Variants in CCDC90B observed in about 807,000 individuals in gnomAD.
The protein encoded by CCDC90B is coiled-coil domain containing 90B, also known as coiled-coil domain-containing protein 90B, mitochondrial.
In CCDC90B, 24 loss-of-function variants were observed where a neutral mutation model predicts 37.0. The observed-to-expected ratio is 0.65, with a 90% CI of 0.47 to 0.91. The LOEUF is 0.91. Ranked by LOEUF, CCDC90B falls within the 40% of genes least tolerant of loss-of-function variation. CCDC90B has a pLI of 0.00. For synonymous variants in CCDC90B, 113 were observed against 101.1 expected (o/e 1.12, Z -0.71); for missense variants, 319 against 299.0 (o/e 1.07, Z -0.49).
intron 7 of CCDC90B, among the ~76,000 whole-genome samples, chr11:83,268,892 A>G (rs12577907): frequency 0.023 from 3,531 of 152,316 alleles, 83 homozygotes; most frequent in South Asian, 0.072. Context: ...AATGTAAAAG[A>G]ACAGAAATCA....
intron 7 of CCDC90B, among the ~76,000 whole-genome samples, chr11:83,269,421 TAAA>T (rs1221392015): frequency 2.6e-5 from 4 of 151,166 alleles, no homozygotes; most frequent in African/African-American, 4.9e-5. Flanking sequence ...GCCAGACTAA[TAAA>T]GAAGAAAAGA....
intron 7 of CCDC90B, among the ~76,000 whole-genome samples, chr11:83,271,169 C>T (rs1308098050): frequency 6.6e-6 from 1 of 152,180 alleles, no homozygotes; most frequent in African/African-American, 2.4e-5. Flanking sequence ...ACCATAAAAA[C>T]CCTAGAAGAA....
chr11:83,273,893 A>G (rs1408116575), intron 5 of CCDC90B, 29 bp from the exon 6 acceptor site: 2 of 1,596,266 alleles, frequency 1.3e-6, no homozygotes, highest in Admixed American at 1.8e-5. Flanking sequence ...TATTTAAAAA[A>G]TGATCTTGTA....
chr11:83,265,271 C>T (rs1202793444), intron 8 of CCDC90B, among the ~76,000 whole-genome samples: 1 of 152,136 alleles, frequency 6.6e-6, no homozygotes, highest in African/African-American at 2.4e-5. Flanking sequence ...GGGATAGTGT[C>T]TATGCTGAAT....
chr11:83,261,909 T>A lies in CCDC90B; in HGVS notation c.*2A>T, dbSNP rs1276717994. ...ACAGCCACAGCAGGATGAGCATTAA[T>A]ACTACTTCCAGAATCTATAAAATCC... is the stretch of plus-strand genomic sequence containing the variant. On this transcript the variant is annotated 3_prime_UTR_variant, in exon 9 of 9. Transcript: ENST00000529689. 1.9e-6 allele frequency: 3 copies of A among 1,601,438 alleles called. No individual in the cohort carries two copies. In the Admixed American group the frequency reaches 5.1e-5, roughly 27 times the overall value.
chr11:83,276,150 G>C (rs1292687732), intron 3 of CCDC90B, among the ~76,000 whole-genome samples: 1 of 152,170 alleles, frequency 6.6e-6, no homozygotes, highest in East Asian at 1.9e-4. Context: ...ATTCAGTTCT[G>C]CTTGACATAT....
intron 7 of CCDC90B, among the ~76,000 whole-genome samples, chr11:83,271,838 C>T (rs1864693487): frequency 6.6e-6 from 1 of 152,168 alleles, no homozygotes; most frequent in Admixed American, 6.5e-5. Context: ...AGGCACTATT[C>T]ACAATAGCAA....
At chr11:83,275,674 T>G (rs1302617680) in intron 3 of CCDC90B, among the ~76,000 whole-genome samples, 1 of 152,202 alleles carries the variant, frequency 6.6e-6, no homozygotes, top group African/African-American at 2.4e-5. Context: ...AGGTATAACC[T>G]TATTAAGGAC....
chr11:83,262,318 C>T (rs141907058), intron 8 of CCDC90B, among the ~76,000 whole-genome samples: 46 of 152,068 alleles, frequency 3.0e-4, no homozygotes, highest in African/African-American at 9.6e-4. Flanking sequence ...TAAAAAATTA[C>T]GTAGTTAGGC....
intron 8 of CCDC90B, among the ~76,000 whole-genome samples, chr11:83,264,784 AATG>A (rs1169819924): frequency 6.6e-6 from 1 of 152,072 alleles, no homozygotes; most frequent in Non-Finnish European, 1.5e-5. Flanking sequence ...AGCCATAAAA[AATG>A]ATGAGTTCAT....
At chr11:83,271,635 G>A (rs1864673913) in intron 7 of CCDC90B, among the ~76,000 whole-genome samples, 2 of 152,184 alleles carry the variant, frequency 1.3e-5, no homozygotes, top group South Asian at 4.1e-4. Flanking sequence ...GAGAGGATGT[G>A]GAGAAATAGG....
chr11:83,280,318 T>C, intron 1 of CCDC90B, 58 bp from the exon 2 acceptor site: 2 of 1,479,130 alleles, frequency 1.4e-6, no homozygotes, highest in Non-Finnish European at 1.9e-6. Flanking sequence ...AAAGCTACTT[T>C]AGCTTACAAA....
chr11:83,286,274 G>T lies in CCDC90B; in HGVS notation c.-302C>A. The T allele has an allele frequency of 8.2e-6, 11 of 1,343,566 alleles. No homozygotes were observed. Among genetic ancestry groups the T allele is most frequent in the Non-Finnish European group, 1.1e-5 (11 of 986,924 alleles). The allele number at this position is 1,343,566 out of a possible 1,614,324, so 83.2% of individuals were successfully genotyped here. ...CTTGTCAGAGAACCTTCCGGCGCCT[G>T]TTTCCTGGCAGTGGGGCATAGTCCA... is the stretch of plus-strand genomic sequence containing the variant. On this transcript the variant is annotated 5_prime_UTR_variant, in exon 1 of 9. Coordinates refer to ENST00000529689, the MANE Select transcript of CCDC90B (RefSeq NM_021825.5).
chr11:83,285,646 C>T lies in CCDC90B; in HGVS notation c.100+227G>A, dbSNP rs577045690. ...AAGCCGGGCGCGAAGCCCAGGCCTT[C>T]AAAGGTTCGCTTTAAGAACAGAAAG... On this transcript the variant is annotated intron_variant, in intron 1 of 8. Coordinates refer to ENST00000529689, the MANE Select transcript of CCDC90B (RefSeq NM_021825.5). The T allele has an allele frequency of 5.8e-6, 8 of 1,385,088 alleles. No individual in the cohort carries two copies. The East Asian group carries it at 1.7e-4, about 29-fold the overall frequency. 85.8% of individuals were successfully genotyped at this position (1,385,088 alleles called of 1,614,324 possible).
At chr11:83,276,434 A>T (rs574195607) in intron 3 of CCDC90B, among the ~76,000 whole-genome samples, 1 of 152,258 alleles carries the variant, frequency 6.6e-6, no homozygotes, top group South Asian at 2.1e-4. Context: ...TGCAGCCTCC[A>T]CTTCCTGGGT....
chr11:83,280,294 A>G, intron 1 of CCDC90B, 34 bp from the exon 2 acceptor site: 14 of 1,589,252 alleles, frequency 8.8e-6, no homozygotes, highest in Non-Finnish European at 1.2e-5. Context: ...CTTTTGTAGT[A>G]ACTGATAGCT....
intron 8 of CCDC90B, among the ~76,000 whole-genome samples, chr11:83,265,216 A>T (rs1864180834): frequency 6.6e-6 from 1 of 152,200 alleles, no homozygotes; most frequent in South Asian, 2.1e-4. Context: ...GGGTCAGGTC[A>T]GATGGTACTT....
rs373174461 is a variant in CCDC90B, at chr11:83,261,851, A to T, written c.*60T>A. 8.0e-7 allele frequency: 1 copy of T among 1,250,026 alleles called. No individual in the cohort carries two copies. The highest frequency in any genetic ancestry group is 1.1e-6 in the Non-Finnish European group (1 of 871,058). 77.4% of individuals were successfully genotyped at this position (1,250,026 alleles called of 1,614,324 possible). Reference sequence around the variant, plus strand: ...TGCTGCAACTGACAATGTTCAAAGTAAATCTCTCCCGGTTTGGTGTTCTAA... The same window carrying T: ...TGCTGCAACTGACAATGTTCAAAGTTAATCTCTCCCGGTTTGGTGTTCTAA... On this transcript the variant is annotated 3_prime_UTR_variant, in exon 9 of 9. Coordinates refer to ENST00000529689, the MANE Select transcript of CCDC90B (RefSeq NM_021825.5).
chr11:83,270,990 C>T (rs190766692), intron 7 of CCDC90B, among the ~76,000 whole-genome samples: 1 of 152,164 alleles, frequency 6.6e-6, no homozygotes, highest in African/African-American at 2.4e-5. Flanking sequence ...ACCATCTGAT[C>T]TTTGACAAAC....
Sources: allele counts gnomAD v4.1 joint callset (sites outside exome capture counted in the v4.1 genomes callset), GRCh38; gene constraint gnomAD v4.1.1; transcripts MANE v1.5; gene names NCBI Gene and HGNC (gene_info 2026-07-23, HGNC 2026-07-21).